The following MRPS27 variants were observed in gnomAD, a reference collection of about 807,000 sequenced individuals.
MRPS27 encodes small ribosomal subunit protein mS27.
Under a neutral mutation model 48.9 loss-of-function variants are expected in MRPS27, and 43 were observed. The ratio of observed to expected loss-of-function variants is 0.88; its 90% CI spans 0.69 to 1.13. The LOEUF (loss-of-function observed/expected upper bound fraction) is 1.13. Ranked by LOEUF, MRPS27 falls within the 50% of genes most tolerant of loss-of-function variation. The pLI, the probability that MRPS27 is intolerant of heterozygous loss-of-function variation, is 0.00. For missense variants in MRPS27, 467 were observed against 476.3 expected (o/e 0.98, Z 0.18); for synonymous variants, 188 against 171.9 (o/e 1.09, Z -0.73).
chr5:72,234,762 C>CA (rs1213892967), intron 5 of MRPS27, among the ~76,000 whole-genome samples: 1 of 152,080 alleles, frequency 6.6e-6, no homozygotes, highest in Non-Finnish European at 1.5e-5. Flanking sequence ...TCGACTTTCT[C>CA]AGAGTGTTTT....
chr5:72,223,249 G>T (rs1032839540), intron 10 of MRPS27, among the ~76,000 whole-genome samples: 27 of 152,198 alleles, frequency 1.8e-4, no homozygotes, highest in African/African-American at 6.5e-4. Flanking sequence ...AAAGAAAGAT[G>T]CCCACGTCTT....
chr5:72,303,259 C>T (rs1444950708), intron 2 of MRPS27, among the ~76,000 whole-genome samples: 3 of 152,136 alleles, frequency 2.0e-5, no homozygotes, highest in Admixed American at 6.5e-5. Flanking sequence ...TCAAATTGTA[C>T]ATTTAAATAT....
chr5:72,243,563 T>A (rs62363250), intron 4 of MRPS27, among the ~76,000 whole-genome samples: 35,182 of 152,050 alleles, frequency 0.23, 5,224 homozygotes, highest in Non-Finnish European at 0.33. Context: ...CTGCTTGGGA[T>A]CTCAGATTCT....
intron 4 of MRPS27, 159 bp downstream of exon 4, chr5:72,295,372 A>T: frequency 1.8e-6 from 1 of 561,510 alleles, no homozygotes; most frequent in Non-Finnish European, 3.2e-6. Flanking sequence ...AATAAAATGC[A>T]GTTATAAAAA....
intron 4 of MRPS27, among the ~76,000 whole-genome samples, chr5:72,275,473 C>A (rs952850652): frequency 1.3e-5 from 2 of 152,132 alleles, no homozygotes; most frequent in African/African-American, 4.8e-5. Flanking sequence ...TTTATAGATT[C>A]AATGCTACTC....
chr5:72,255,029 C>CTTTTTTTTTTTTTTTTTTTTT (rs70999273), intron 4 of MRPS27, among the ~76,000 whole-genome samples: 1 of 72,092 alleles, frequency 1.4e-5, no homozygotes, highest in Non-Finnish European at 2.8e-5. Context: ...CATTTCTTTT[C>CTTTTTTTTTTTTTTTTTTTTT]TTTTTTTTTT....
intron 2 of MRPS27, 24 bp downstream of exon 2, chr5:72,314,057 T>C (rs551087942): frequency 3.2e-6 from 5 of 1,575,212 alleles, no homozygotes; most frequent in Admixed American, 3.4e-5. Context: ...AAATGACACA[T>C]ATAATAGTCC....
chr5:72,225,946 T>C, intron 9 of MRPS27, 111 bp downstream of exon 9: 1 of 1,288,352 alleles, frequency 7.8e-7, no homozygotes, highest in Middle Eastern at 2.2e-4. Flanking sequence ...ATACCTATTC[T>C]ATAGACATAT....
chr5:72,317,622 C>G (rs1750598436), intron 1 of MRPS27, among the ~76,000 whole-genome samples: 1 of 152,180 alleles, frequency 6.6e-6, no homozygotes, highest in African/African-American at 2.4e-5. Context: ...AGGTGATCCA[C>G]CCACCTCAGC....
intron 10 of MRPS27, chr5:72,222,591 C>T (rs1747777505): frequency 6.6e-6 from 1 of 152,166 alleles, no homozygotes; most frequent in African/African-American, 2.4e-5. Context: ...GTATGGCAAC[C>T]TTGGTCAATG....
chr5:72,294,420 C>G (rs1198009753), intron 4 of MRPS27: 1 of 152,124 alleles, frequency 6.6e-6, no homozygotes, highest in Non-Finnish European at 1.5e-5. Context: ...TAATGCAATG[C>G]TTACTGGAAA....
chr5:72,252,393 C>T (rs1204516363), intron 4 of MRPS27, among the ~76,000 whole-genome samples: 1 of 151,902 alleles, frequency 6.6e-6, no homozygotes, highest in African/African-American at 2.4e-5. Flanking sequence ...CTTCTTTTGC[C>T]CTGATCAGTT....
intron 4 of MRPS27, among the ~76,000 whole-genome samples, chr5:72,263,145 C>T (rs1325206412): frequency 6.6e-6 from 1 of 152,156 alleles, no homozygotes; most frequent in East Asian, 1.9e-4. Context: ...AAGCATTTCC[C>T]CTTGATTATT....
intron 4 of MRPS27, among the ~76,000 whole-genome samples, chr5:72,265,835 T>C (rs941322428): frequency 3.3e-5 from 5 of 152,208 alleles, no homozygotes; most frequent in African/African-American, 1.2e-4. Context: ...CCTGGCTCTG[T>C]TACGAAAACA....
At chr5:72,222,056 C>T (rs1007073934) in intron 10 of MRPS27, among the ~76,000 whole-genome samples, 3 of 152,144 alleles carry the variant, frequency 2.0e-5, no homozygotes, top group Admixed American at 6.5e-5. Context: ...GCTTGCTTAA[C>T]AGGGTTGGGG....
intron 1 of MRPS27, among the ~76,000 whole-genome samples, chr5:72,315,557 GAAAAA>G (rs564206800): frequency 1.2e-5 from 1 of 85,006 alleles, no homozygotes; most frequent in East Asian, 3.5e-4. Flanking sequence ...ACTCTGTTTC[GAAAAA>G]AAAAAAAAAA....
Position 72,271,335 on chromosome 5 carries a change from C to T in MRPS27, c.281+24196G>A, listed in dbSNP as rs114940479. ...AAATCAACTCTCTAGCAGCAAGCAA[C>T]TGGAAAGTGGAATTTAGGAAAATAA... On this transcript the variant is annotated intron_variant, in intron 4 of 10. Transcript: ENST00000261413. 3.7e-3 allele frequency among the ~76,000 whole-genome samples: 568 copies of T among 152,256 alleles called. 1 individual carries two copies. The highest frequency in any genetic ancestry group is 0.013 in the African/African-American group (552 of 41,558).
intron 2 of MRPS27, among the ~76,000 whole-genome samples, chr5:72,297,903 TA>T (rs1323915598): frequency 6.6e-6 from 1 of 152,154 alleles, no homozygotes; most frequent in Non-Finnish European, 1.5e-5. Context: ...AGAATTATTT[TA>T]AAAAAACTTT....
intron 4 of MRPS27, among the ~76,000 whole-genome samples, chr5:72,245,340 T>C (rs1446340427): frequency 6.6e-6 from 1 of 152,234 alleles, no homozygotes; most frequent in Non-Finnish European, 1.5e-5. Flanking sequence ...TTATGGAAAC[T>C]GGCTTGGTTT....
Sources: allele counts gnomAD v4.1 joint callset (sites outside exome capture counted in the v4.1 genomes callset), GRCh38; gene constraint gnomAD v4.1.1; transcripts MANE v1.5; gene names NCBI Gene and HGNC (gene_info 2026-07-23, HGNC 2026-07-21).